The following DOCK4 variants were observed in gnomAD, a reference collection of about 807,000 sequenced individuals.
DOCK4 encodes dedicator of cytokinesis 4.
DOCK4 carries 97 observed loss-of-function variants against 268.1 expected under a neutral mutation model. The ratio of observed to expected loss-of-function variants is 0.36; its 90% CI spans 0.31 to 0.43. The LOEUF (loss-of-function observed/expected upper bound fraction) is 0.43, where lower values mean the gene tolerates loss of function less well. Among genes scored for constraint, DOCK4 ranks in the 20% least tolerant of loss-of-function variants. DOCK4 has a pLI of 1.00. For missense variants in DOCK4, 2,145 were observed against 2,455.7 expected (o/e 0.87, Z 2.67); for synonymous variants, 954 against 887.2 (o/e 1.08, Z -1.34).
chr7:112,149,436 A>G (rs1815836063), intron 1 of DOCK4, among the ~76,000 whole-genome samples: 1 of 152,138 alleles, frequency 6.6e-6, no homozygotes, highest in Non-Finnish European at 1.5e-5. Context: ...TGGGTCTGAT[A>G]ACCCCTCTGT....
At chr7:112,189,746 G>GTTTTTTT (rs57399750) in intron 1 of DOCK4, among the ~76,000 whole-genome samples, 1,216 of 95,198 alleles carry the variant, frequency 0.013, 3 homozygotes, top group Non-Finnish European at 0.017. Flanking sequence ...TCTGGGTTTT[G>GTTTTTTT]TTTTTTTTTT....
At chr7:111,750,740 T>TAACA (rs1796582127) in intron 42 of DOCK4, among the ~76,000 whole-genome samples, 1 of 152,150 alleles carries the variant, frequency 6.6e-6, no homozygotes, top group South Asian at 2.1e-4. Flanking sequence ...GTTAGCTCAG[T>TAACA]AACAAACACT....
chr7:111,941,442 G>T (rs1586445570), intron 10 of DOCK4, among the ~76,000 whole-genome samples: 2 of 151,884 alleles, frequency 1.3e-5, no homozygotes, highest in African/African-American at 4.8e-5. Context: ...GAAAAAAAAG[G>T]TCTCAATTTA....
At chr7:111,814,981 T>C (rs933885975) in intron 27 of DOCK4, among the ~76,000 whole-genome samples, 3 of 152,260 alleles carry the variant, frequency 2.0e-5, no homozygotes, top group African/African-American at 4.8e-5. Context: ...TTAATATTTA[T>C]GCAATTTTAA....
chr7:112,076,272 TTTGAG>T (rs1283828045), intron 1 of DOCK4, among the ~76,000 whole-genome samples: 28 of 152,064 alleles, frequency 1.8e-4, no homozygotes, highest in South Asian at 4.1e-4. Context: ...TGTTTGCTGG[TTTGAG>T]TTAACTAAGA....
chr7:111,941,468 A>C (rs1484276809), intron 10 of DOCK4, among the ~76,000 whole-genome samples: 1 of 152,224 alleles, frequency 6.6e-6, no homozygotes, highest in Non-Finnish European at 1.5e-5. Context: ...ATTTTGAATA[A>C]TATTACAGAA....
intron 1 of DOCK4, among the ~76,000 whole-genome samples, chr7:112,080,130 T>G (rs1808448547): frequency 6.6e-6 from 1 of 152,152 alleles, no homozygotes. Flanking sequence ...GTATTCTAAT[T>G]TACCTATCAG....
intron 8 of DOCK4, among the ~76,000 whole-genome samples, chr7:111,976,228 GTGTGTATATATA>G (rs1164204837): frequency 2.8e-5 from 3 of 105,698 alleles, no homozygotes; most frequent in Non-Finnish European, 3.9e-5. Flanking sequence ...GTGTGCGTGT[GTGTGTATATATA>G]TGTGTATATA....
chr7:112,064,722 C>T (rs923253407), intron 1 of DOCK4, among the ~76,000 whole-genome samples: 6 of 152,148 alleles, frequency 3.9e-5, no homozygotes, highest in African/African-American at 1.4e-4. Context: ...ACCTCAATAC[C>T]TCAGAATGTG....
chr7:111,888,330 G>A (rs913963016), intron 16 of DOCK4, among the ~76,000 whole-genome samples: 1 of 151,384 alleles, frequency 6.6e-6, no homozygotes, highest in East Asian at 2.0e-4. Flanking sequence ...AGGCACAGTA[G>A]AACTAAGGAT....
At chr7:111,880,747 C>A (rs1384216735) in intron 16 of DOCK4, among the ~76,000 whole-genome samples, 2 of 152,108 alleles carry the variant, frequency 1.3e-5, no homozygotes, top group East Asian at 3.9e-4. Context: ...TGGAACAGAA[C>A]AGAGAACCCA....
intron 2 of DOCK4, among the ~76,000 whole-genome samples, chr7:112,003,102 TG>T (rs1800569168): frequency 1.3e-5 from 2 of 149,488 alleles, no homozygotes; most frequent in South Asian, 4.2e-4. Flanking sequence ...AAAGGAAAGC[TG>T]GGTGCAGTGG....
chr7:111,762,522 G>A (rs1797473894), intron 39 of DOCK4, among the ~76,000 whole-genome samples: 1 of 151,904 alleles, frequency 6.6e-6, no homozygotes, highest in African/African-American at 2.4e-5. Context: ...GCACATATAA[G>A]TATTTCCTTT....
intron 1 of DOCK4, among the ~76,000 whole-genome samples, chr7:112,169,344 C>T (rs1817878145): frequency 6.6e-6 from 1 of 152,154 alleles, no homozygotes; most frequent in South Asian, 2.1e-4. Flanking sequence ...GACTAATATG[C>T]CATTGCTCCA....
intron 27 of DOCK4, chr7:111,819,738 T>C (rs1801835297): frequency 6.6e-6 from 1 of 152,102 alleles, no homozygotes; most frequent in African/African-American, 2.4e-5. Context: ...TTCAATTGAG[T>C]TCAAGGGTAG....
intron 1 of DOCK4, among the ~76,000 whole-genome samples, chr7:112,026,087 A>C (rs1383514540): frequency 6.6e-6 from 1 of 152,194 alleles, no homozygotes; most frequent in Non-Finnish European, 1.5e-5. Context: ...ACATAGGAGG[A>C]GCTTAATAAA....
chr7:111,817,979 G>T (rs1801685489), intron 27 of DOCK4, among the ~76,000 whole-genome samples: 1 of 152,148 alleles, frequency 6.6e-6, no homozygotes, highest in Admixed American at 6.5e-5. Context: ...GGGACCAATT[G>T]TCTGTCCACA....
intron 25 of DOCK4, among the ~76,000 whole-genome samples, chr7:111,840,052 G>A (rs749874137): frequency 1.3e-5 from 2 of 152,172 alleles, no homozygotes; most frequent in African/African-American, 4.8e-5. Flanking sequence ...TAGCTGCAGT[G>A]TGAAACTTTC....
At chr7:112,165,559 T>TGTGCGCGTGTGTGTGC (rs59052406) in intron 1 of DOCK4, among the ~76,000 whole-genome samples, 2 of 148,152 alleles carry the variant, frequency 1.3e-5, no homozygotes, top group Non-Finnish European at 3.0e-5. Flanking sequence ...TGTGTGTGTG[T>TGTGCGCGTGTGTGTGC]GCGTGTGTGT....
Sources: gnomAD v4.1 joint callset for allele counts (sites outside exome capture counted in the v4.1 genomes callset) on GRCh38, gnomAD v4.1.1 for gene constraint, MANE v1.5 for transcripts, NCBI Gene and HGNC (gene_info 2026-07-23, HGNC 2026-07-21) for gene names.